Variants in RAB2A observed in about 807,000 individuals in gnomAD.
RAB2A encodes the protein ras-related protein Rab-2A.
Under a neutral mutation model 32.5 loss-of-function variants are expected in RAB2A, and 7 were observed. That is an observed-to-expected ratio of 0.22 (90% CI 0.12 to 0.40). The LOEUF is 0.40. Among genes scored for constraint, RAB2A ranks in the 10% least tolerant of loss-of-function variants. The pLI is 1.00. For missense variants in RAB2A, 108 were observed against 260.7 expected (o/e 0.41, Z 4.03); for synonymous variants, 79 against 85.2 (o/e 0.93, Z 0.40).
At chr8:60,532,795 C>T (rs973745335) in intron 1 of RAB2A, among the ~76,000 whole-genome samples, 4 of 152,238 alleles carry the variant, frequency 2.6e-5, no homozygotes, top group African/African-American at 9.6e-5. Flanking sequence ...CATACATGAG[C>T]CACTGCACTC....
At chr8:60,517,568 A>C (rs1807227453) in intron 1 of RAB2A, among the ~76,000 whole-genome samples, 2 of 152,060 alleles carry the variant, frequency 1.3e-5, no homozygotes, top group Non-Finnish European at 2.9e-5. Flanking sequence ...CCCGACTCAC[A>C]TGACTGCACC....
chr8:60,596,105 A>C (rs1292530942), intron 6 of RAB2A, among the ~76,000 whole-genome samples: 2 of 152,180 alleles, frequency 1.3e-5, no homozygotes, highest in African/African-American at 2.4e-5. Context: ...CACACAATAG[A>C]AAAGAAGAAG....
At chr8:60,617,719 T>C (rs1804470024) in intron 6 of RAB2A, among the ~76,000 whole-genome samples, 2 of 152,284 alleles carry the variant, frequency 1.3e-5, no homozygotes, top group Admixed American at 6.5e-5. Flanking sequence ...CACTCCATCC[T>C]AGGCGACAGG....
intron 1 of RAB2A, among the ~76,000 whole-genome samples, chr8:60,524,354 T>C (rs1807346965): frequency 6.6e-6 from 1 of 151,298 alleles, no homozygotes; most frequent in Non-Finnish European, 1.5e-5. Context: ...TTCCCTTTCC[T>C]TCTGGCCCAG....
At chr8:60,548,379 G>A (rs1449332227) in intron 1 of RAB2A, among the ~76,000 whole-genome samples, 5 of 34,452 alleles carry the variant, frequency 1.5e-4, no homozygotes, top group Admixed American at 2.0e-4. Context: ...CGGCTGGCCG[G>A]GCGGGGGGCT....
At chr8:60,549,578 T>G (rs760004040) in intron 1 of RAB2A, among the ~76,000 whole-genome samples, 3 of 151,776 alleles carry the variant, frequency 2.0e-5, no homozygotes, top group Admixed American at 2.0e-4. Flanking sequence ...GGACGGCATC[T>G]GTAATGTGGA....
chr8:60,578,546 A>G (rs1803680963), intron 3 of RAB2A, among the ~76,000 whole-genome samples: 1 of 149,286 alleles, frequency 6.7e-6, no homozygotes, highest in South Asian at 2.1e-4. Flanking sequence ...TATCAGTAGA[A>G]AAAAATGGAC....
chr8:60,525,657 G>T (rs1010003223), intron 1 of RAB2A, among the ~76,000 whole-genome samples: 1 of 151,986 alleles, frequency 6.6e-6, no homozygotes, highest in Non-Finnish European at 1.5e-5. Context: ...TCATTTTCAG[G>T]TATAGCTGAG....
intron 6 of RAB2A, among the ~76,000 whole-genome samples, chr8:60,607,697 T>G (rs1168876998): frequency 6.6e-6 from 1 of 152,200 alleles, no homozygotes; most frequent in Non-Finnish European, 1.5e-5. Flanking sequence ...CTTGCATTTG[T>G]AACCAGTCCT....
chr8:60,538,050 T>C (rs1316241998), intron 1 of RAB2A, among the ~76,000 whole-genome samples: 1 of 152,210 alleles, frequency 6.6e-6, no homozygotes, highest in Non-Finnish European at 1.5e-5. Flanking sequence ...GATAAACTAG[T>C]GAGGAAAGTT....
chr8:60,603,748 T>G (rs1298620936), intron 6 of RAB2A, among the ~76,000 whole-genome samples: 2 of 152,152 alleles, frequency 1.3e-5, no homozygotes, highest in African/African-American at 4.8e-5. Flanking sequence ...AGTGCAAATG[T>G]CATAGCTTAT....
intron 1 of RAB2A, among the ~76,000 whole-genome samples, chr8:60,521,169 G>A (rs1267673393): frequency 3.9e-5 from 6 of 152,214 alleles, no homozygotes; most frequent in African/African-American, 1.4e-4. Context: ...CTTTGTCTTA[G>A]ATGCCAGGGT....
intron 3 of RAB2A, chr8:60,576,329 A>C: frequency 6.6e-6 from 3 of 455,976 alleles, no homozygotes; most frequent in South Asian, 4.7e-5. Context: ...CTGGCCAGCC[A>C]TTACTGCCTT....
Position 60,526,049 on chromosome 8 carries a change from ATATATAT to A in RAB2A, c.46+8797_46+8803del, listed in dbSNP as rs1294695566. 1.7e-3 allele frequency among the ~76,000 whole-genome samples: 208 copies of A among 120,626 alleles called. 3 individuals carry two copies. The highest frequency in any genetic ancestry group is 6.5e-3 in the African/African-American group (193 of 29,798). The allele number at this position is 120,626 out of a possible 152,430, so 79.1% of individuals were successfully genotyped here. A position where few individuals can be genotyped will look rare whatever the true frequency, so the allele number is the denominator to read the frequency against. Reference sequence around the variant, plus strand: ...TATATATATATATATATATATATATATATATATAAGTTTTCTGTTGCTAGCATAACAA... The same window carrying A: ...TATATATATATATATATATATATATAAAGTTTTCTGTTGCTAGCATAACAA... On this transcript the variant is annotated intron_variant, in intron 1 of 7. Transcript: ENST00000262646.
chr8:60,529,582 T>C (rs1270437633), intron 1 of RAB2A, among the ~76,000 whole-genome samples: 3 of 152,232 alleles, frequency 2.0e-5, no homozygotes, highest in South Asian at 2.1e-4. Context: ...GTATTTGATA[T>C]TAATTTTGCA....
intron 6 of RAB2A, among the ~76,000 whole-genome samples, chr8:60,598,641 A>T (rs932110528): frequency 9.9e-5 from 15 of 152,178 alleles, no homozygotes; most frequent in South Asian, 2.1e-4. Context: ...GTACTCCACC[A>T]TTTAATAGGG....
Position 60,622,696 on chromosome 8 carries a change from G to A in RAB2A, c.*1927G>A, listed in dbSNP as rs1423957084. On this transcript the variant is annotated 3_prime_UTR_variant, in exon 8 of 8. Transcript: ENST00000262646. ...TTTTATTTGAAGAAGAGAACTTAAT[G>A]GCAAATAAACAACAAACCAGGACAT... 13 of 152,076 alleles carry A rather than the reference G, an allele frequency of 8.5e-5. No individual in the cohort carries two copies. The highest frequency in any genetic ancestry group is 8.5e-4 in the Admixed American group (13 of 15,264). The allele number at this position is 152,076 out of a possible 1,614,324, so 9.4% of individuals were successfully genotyped here.
rs566601306 is a variant in RAB2A, at chr8:60,587,481, A to G, written c.362+2666A>G. Among the ~76,000 whole-genome samples, 75 of 151,312 alleles carry G rather than the reference A, an allele frequency of 5.0e-4. 2 individuals are homozygous for G. In the South Asian group the frequency reaches 0.015, roughly 30 times the overall value. On this transcript the variant is annotated intron_variant, in intron 5 of 7. Coordinates refer to ENST00000262646, the MANE Select transcript of RAB2A (RefSeq NM_002865.3). ...TTAAATGGGACAGAGAAAAGCATGA[A>G]CTTATAGTTCAGAAAAAAAATCAAT...
intron 1 of RAB2A, among the ~76,000 whole-genome samples, chr8:60,548,508 C>T (rs867506043): frequency 5.1e-5 from 2 of 39,442 alleles, no homozygotes; most frequent in Non-Finnish European, 7.9e-5. Context: ...GCTGGCCGGG[C>T]GGGGGGCTGA....
Sources: gnomAD v4.1 joint callset for allele counts (sites outside exome capture counted in the v4.1 genomes callset) on GRCh38, gnomAD v4.1.1 for gene constraint, MANE v1.5 for transcripts, NCBI Gene and HGNC (gene_info 2026-07-23, HGNC 2026-07-21) for gene names.